The following CDK5RAP2 variants were observed in gnomAD, a reference collection of about 807,000 sequenced individuals.
CDK5RAP2 encodes the protein CDK5 regulatory subunit-associated protein 2.
In CDK5RAP2, 147 loss-of-function variants were observed where a neutral mutation model predicts 232.9. The observed-to-expected ratio is 0.63, with a 90% CI of 0.55 to 0.72. The LOEUF (loss-of-function observed/expected upper bound fraction) is 0.72. CDK5RAP2 is among the 30% of genes least tolerant of loss of function. The pLI, the probability that CDK5RAP2 is intolerant of heterozygous loss-of-function variation, is 0.00. For missense variants in CDK5RAP2, 2,195 were observed against 2,231.5 expected, an observed-to-expected ratio of 0.98 and a Z score of 0.33; for synonymous variants, 833 against 833.7, an observed-to-expected ratio of 1.00 and a Z score of 0.01.
intron 21 of CDK5RAP2, 43 bp downstream of exon 21, chr9:120,453,413 T>C (rs745909825): frequency 6.4e-7 from 1 of 1,550,720 alleles, no homozygotes. Context: ...AAGTTTTTTG[T>C]TTGGATAAAG....
chr9:120,490,245 G>A (rs2038831886), intron 13 of CDK5RAP2, among the ~76,000 whole-genome samples: 1 of 152,248 alleles, frequency 6.6e-6, no homozygotes, highest in Non-Finnish European at 1.5e-5. Context: ...TGCGCAGGTA[G>A]AGGCCCAGGT....
In CDK5RAP2 at chr9:120,422,711, T is replaced by C; in HGVS notation, c.3986A>G (p.Gln1329Arg). 1 of 1,613,214 alleles carries C rather than the reference T, an allele frequency of 6.2e-7. No individual in the cohort carries two copies. Among genetic ancestry groups the C allele is most frequent in the Non-Finnish European group, 8.5e-7 (1 of 1,179,170 alleles). The change falls in exon 26 of 38, where the codon CAG becomes CGG. Residue 1329 changes from glutamine (Q) to arginine (R), a missense_variant. By Grantham distance (43) the Gln-to-Arg change is conservative (BLOSUM62 1). Coordinates refer to ENST00000349780, the MANE Select transcript of CDK5RAP2 (RefSeq NM_018249.6). ...GKSVGVEMNT[Q>R]NELMERIEED... ...CACTCACCTCTCCATCAGTTCATTC[T>C]GGGTGTTCATTTCCACTCCAACTGA...
chr9:120,462,740 G>A (rs79196623), intron 18 of CDK5RAP2, among the ~76,000 whole-genome samples: 4,997 of 152,286 alleles, frequency 0.033, 98 homozygotes, highest in African/African-American at 0.046. Context: ...CAGCTGGGGT[G>A]GGACTGGGTA....
chr9:120,493,894 C>T (rs953138199), intron 12 of CDK5RAP2, among the ~76,000 whole-genome samples: 1 of 152,126 alleles, frequency 6.6e-6, no homozygotes, highest in African/African-American at 2.4e-5. Context: ...GAGTTTGAGA[C>T]CAGCTTGGCC....
chr9:120,568,127 T>C (rs1035690110), intron 3 of CDK5RAP2, among the ~76,000 whole-genome samples, 194 bp downstream of exon 3: 5 of 152,170 alleles, frequency 3.3e-5, no homozygotes, highest in African/African-American at 1.2e-4. Context: ...TCAGAACCTA[T>C]ATTTGGCCCT....
At chr9:120,475,048 A>C (rs1659892988) in intron 15 of CDK5RAP2, among the ~76,000 whole-genome samples, 1 of 152,244 alleles carries the variant, frequency 6.6e-6, no homozygotes, top group African/African-American at 2.4e-5. Flanking sequence ...CTGAGTGCTT[A>C]CTACATGCCA....
chr9:120,519,112 T>C (rs547790772), intron 11 of CDK5RAP2, among the ~76,000 whole-genome samples: 1 of 150,816 alleles, frequency 6.6e-6, no homozygotes, highest in Non-Finnish European at 1.5e-5. Context: ...AGGCGGAGGT[T>C]GCAGTGAGCC....
At chr9:120,555,946 C>T (rs1390501467) in intron 3 of CDK5RAP2, among the ~76,000 whole-genome samples, 2 of 152,188 alleles carry the variant, frequency 1.3e-5, no homozygotes, top group Non-Finnish European at 2.9e-5. Flanking sequence ...AGATTACATA[C>T]TGTATGATTC....
At chr9:120,400,975 G>C in intron 34 of CDK5RAP2, 90 bp from the exon 35 acceptor site, 1 of 1,442,478 alleles carries the variant, frequency 6.9e-7, no homozygotes, top group South Asian at 1.2e-5. Flanking sequence ...TCTCCAGACT[G>C]TAGGGCTTCT....
rs3780673 is a variant in CDK5RAP2, at chr9:120,404,305, C to G, written c.4964-192G>C. Reference sequence around the variant, plus strand: ...CACCAGGGAGACAGAGTGACCAGGCCCAGTCCATTCCCTAGAAAAACTCTC... The same window carrying G: ...CACCAGGGAGACAGAGTGACCAGGCGCAGTCCATTCCCTAGAAAAACTCTC... On this transcript the variant is annotated intron_variant, in intron 32 of 37. Coordinates refer to ENST00000349780, the MANE Select transcript of CDK5RAP2 (RefSeq NM_018249.6). Among the ~76,000 whole-genome samples the G allele has an allele frequency of 0.04, 6,079 of 152,274 alleles. 347 individuals carry two copies. The highest frequency in any genetic ancestry group is 0.26 in the East Asian group (1,352 of 5,166).
chr9:120,416,783 GTATAT>G (rs1458184979), intron 27 of CDK5RAP2, among the ~76,000 whole-genome samples: 1 of 152,142 alleles, frequency 6.6e-6, no homozygotes, highest in Admixed American at 6.5e-5. Flanking sequence ...GGTATACTCA[GTATAT>G]CTTAGTAATG....
intron 25 of CDK5RAP2, among the ~76,000 whole-genome samples, chr9:120,427,594 C>T (rs1296366436): frequency 6.6e-6 from 1 of 151,872 alleles, no homozygotes; most frequent in Non-Finnish European, 1.5e-5. Flanking sequence ...ATAAACAAAC[C>T]GGGGGTGGGA....
intron 3 of CDK5RAP2, among the ~76,000 whole-genome samples, chr9:120,554,143 TATAG>T (rs1256660470): frequency 6.6e-6 from 1 of 152,250 alleles, no homozygotes; most frequent in Non-Finnish European, 1.5e-5. Context: ...TGGGACATTA[TATAG>T]ATAGGTTACT....
chr9:120,461,925 G>A lies in CDK5RAP2; in HGVS notation c.2107-1258C>T, dbSNP rs116958826. On this transcript the variant is annotated intron_variant, in intron 18 of 37. Coordinates refer to ENST00000349780, the MANE Select transcript of CDK5RAP2 (RefSeq NM_018249.6). ...GGGTCATTTGTTGGGCATGTTGTACGTGTGAGATACCTACGGTTCTAGCTC... is the reference window on the plus strand; with the variant it reads ...GGGTCATTTGTTGGGCATGTTGTACATGTGAGATACCTACGGTTCTAGCTC... 1.1e-3 allele frequency among the ~76,000 whole-genome samples: 164 copies of A among 152,348 alleles called. 1 individual carries two copies. In the East Asian group the frequency reaches 0.018, roughly 17 times the overall value.
chr9:120,456,426 T>C (rs2036782362), intron 20 of CDK5RAP2, among the ~76,000 whole-genome samples: 1 of 152,210 alleles, frequency 6.6e-6, no homozygotes, highest in Non-Finnish European at 1.5e-5. Flanking sequence ...CCCTGTGTTG[T>C]CTTTCCCACT....
chr9:120,412,220 CTATTTCACAGG>C lies in CDK5RAP2; in HGVS notation c.4298-757_4298-747del, dbSNP rs533457545. On this transcript the variant is annotated intron_variant, in intron 28 of 37. Coordinates refer to ENST00000349780, the MANE Select transcript of CDK5RAP2 (RefSeq NM_018249.6). ...GGCCAACTTCTCTGTCTAGATACCT[CTATTTCACAGG>C]TAACATTCACATTCACGGCCACCCT... Among the ~76,000 whole-genome samples the C allele has an allele frequency of 4.3e-3, 657 of 152,338 alleles. 3 individuals carry two copies. Among genetic ancestry groups the C allele is most frequent in the Non-Finnish European group, 6.4e-3 (435 of 68,026 alleles).
chr9:120,502,992 G>A (rs1444653803), intron 12 of CDK5RAP2, among the ~76,000 whole-genome samples: 1 of 152,146 alleles, frequency 6.6e-6, no homozygotes, highest in Admixed American at 6.5e-5. Context: ...TTTACAGAAA[G>A]AGAACTAAGG....
At chr9:120,570,361 C>G (rs1172108930) in intron 2 of CDK5RAP2, among the ~76,000 whole-genome samples, 1 of 152,178 alleles carries the variant, frequency 6.6e-6, no homozygotes, top group Non-Finnish European at 1.5e-5. Context: ...ACCTCCACAC[C>G]AGAGGAAATC....
intron 26 of CDK5RAP2, 104 bp downstream of exon 26, chr9:120,422,589 G>C: frequency 2.3e-6 from 2 of 851,650 alleles, no homozygotes; most frequent in Non-Finnish European, 2.0e-6. Context: ...ACAAGAAGCA[G>C]GAAACAAACA....
Sources: gnomAD v4.1 joint callset for allele counts (sites outside exome capture counted in the v4.1 genomes callset) on GRCh38, gnomAD v4.1.1 for gene constraint, MANE v1.5 for transcripts, NCBI Gene and HGNC (gene_info 2026-07-23, HGNC 2026-07-21) for gene names.